ANK2: variants seen among roughly 807,000 people sequenced by gnomAD.
ANK2 encodes ankyrin-2.
In ANK2, 83 loss-of-function variants were observed where a neutral mutation model predicts 360.5. That is an observed-to-expected ratio of 0.23 (90% confidence interval 0.19 to 0.28). ANK2 has a LOEUF of 0.28. Among genes scored for constraint, ANK2 ranks in the 10% least tolerant of loss-of-function variants. ANK2 has a pLI of 1.00. For synonymous variants in ANK2, 1,740 were observed against 1,759.5 expected (o/e 0.99, Z 0.28); for missense variants, 4,201 against 4,795.7 (o/e 0.88, Z 3.66).
At chr4:112,765,141 T>C in the ANK2 span, among the ~76,000 whole-genome samples, 3 of 152,254 alleles carry the variant, frequency 2.0e-5, no homozygotes, top group African/African-American at 7.2e-5. Context: ...TCATGCTGAA[T>C]ATACCTCTCA....
chr4:113,318,273 G>T (rs1368153825), intron 25 of ANK2, among the ~76,000 whole-genome samples: 4 of 152,162 alleles, frequency 2.6e-5, no homozygotes, highest in African/African-American at 9.7e-5. Flanking sequence ...TAGGGAAATA[G>T]ATGGATACCT....
intron 2 of ANK2, among the ~76,000 whole-genome samples, chr4:113,181,099 A>C (rs926268681): frequency 6.6e-6 from 1 of 152,224 alleles, no homozygotes; most frequent in Non-Finnish European, 1.5e-5. Context: ...TTCATCAACT[A>C]CTTGCCCCCA....
intron 2 of ANK2, among the ~76,000 whole-genome samples, chr4:112,962,831 C>T (rs2035512820): frequency 6.6e-6 from 1 of 152,066 alleles, no homozygotes; most frequent in Non-Finnish European, 1.5e-5. Flanking sequence ...TTTCATTAAA[C>T]CTTAATTAGA....
intron 1 of ANK2, among the ~76,000 whole-genome samples, chr4:112,885,511 A>AAAAAATCAATC (rs2078054406): frequency 8.5e-6 from 1 of 118,076 alleles, no homozygotes; most frequent in African/African-American, 3.3e-5. Flanking sequence ...AAAAAAAAAA[A>AAAAAATCAATC]ATTAGCCGGG....
chr4:113,091,032 T>G (rs1270894384), intron 1 of ANK2, among the ~76,000 whole-genome samples: 1 of 152,202 alleles, frequency 6.6e-6, no homozygotes, highest in African/African-American at 2.4e-5. Context: ...GACCCTCAGA[T>G]GGATGGGTGC....
intron 1 of ANK2, among the ~76,000 whole-genome samples, chr4:112,847,825 C>T (rs1048546922): frequency 1.3e-5 from 2 of 152,198 alleles, no homozygotes; most frequent in African/African-American, 4.8e-5. Flanking sequence ...TTGCTAGTAA[C>T]TAGAAGGCCC....
At chr4:112,936,495 G>A (rs1018928251) in intron 2 of ANK2, among the ~76,000 whole-genome samples, 1 of 152,008 alleles carries the variant, frequency 6.6e-6, no homozygotes, top group Non-Finnish European at 1.5e-5. Context: ...ACAGGCGCGT[G>A]CCACCACACC....
intron 2 of ANK2, among the ~76,000 whole-genome samples, chr4:112,992,851 C>A (rs1036689852): frequency 1.3e-5 from 2 of 152,134 alleles, no homozygotes; most frequent in Non-Finnish European, 2.9e-5. Context: ...AGCAAAAATG[C>A]GGATGCTTAT....
intron 2 of ANK2, among the ~76,000 whole-genome samples, chr4:112,908,925 G>A (rs578066178): frequency 7.2e-5 from 11 of 152,250 alleles, no homozygotes; most frequent in Middle Eastern, 6.8e-3. Context: ...TAGTTATACA[G>A]AAGAAAATCA....
intron 2 of ANK2, among the ~76,000 whole-genome samples, chr4:112,926,811 G>T (rs949381326): frequency 2.6e-5 from 4 of 152,248 alleles, no homozygotes; most frequent in Non-Finnish European, 5.9e-5. Flanking sequence ...TAGCAAAATC[G>T]TTTCAGTATT....
chr4:113,351,303 T>C (rs946127244), intron 37 of ANK2, among the ~76,000 whole-genome samples: 3 of 152,124 alleles, frequency 2.0e-5, no homozygotes, highest in Admixed American at 2.0e-4. Flanking sequence ...TCTGAGGGCT[T>C]TTTTAAAGTC....
the ANK2 span, among the ~76,000 whole-genome samples, chr4:112,753,822 G>C: frequency 2.0e-5 from 3 of 152,154 alleles, no homozygotes; most frequent in South Asian, 6.2e-4. Flanking sequence ...AACTGGCTGG[G>C]CATTGTGGCT....
intron 4 of ANK2, among the ~76,000 whole-genome samples, chr4:113,213,564 T>G (rs2099049112): frequency 3.3e-5 from 5 of 152,222 alleles, no homozygotes; most frequent in Admixed American, 3.3e-4. Flanking sequence ...GATTCAATAT[T>G]TTAATATTCA....
intron 2 of ANK2, among the ~76,000 whole-genome samples, chr4:113,179,870 T>C (rs1416632836): frequency 1.3e-5 from 2 of 152,352 alleles, no homozygotes; most frequent in East Asian, 3.9e-4. Flanking sequence ...ATGTATACAA[T>C]TTATTAGTTT....
rs2096056512 is a variant in ANK2, at chr4:113,359,384, T to C, written c.10681+85T>C. 1.9e-5 allele frequency: 30 copies of C among 1,560,314 alleles called. No individual in the cohort carries two copies. In the South Asian group the frequency reaches 2.7e-4, roughly 14 times the overall value. ...TTTGTATGTTTGTTTTATTTGATGA[T>C]TTGTGTCTCATTTTCTTTAAGCTTT... On this transcript the variant is annotated intron_variant, in intron 38 of 45. Coordinates refer to ENST00000357077, the MANE Select transcript of ANK2 (RefSeq NM_001148.6).
intron 15 of ANK2, among the ~76,000 whole-genome samples, chr4:113,276,949 A>G (rs1379185507): frequency 2.6e-5 from 4 of 152,204 alleles, no homozygotes; most frequent in South Asian, 2.1e-4. Flanking sequence ...CCAGAAGAGC[A>G]TGTGGTTAAA....
At chr4:113,294,869 A>C (rs929954762) in intron 22 of ANK2, among the ~76,000 whole-genome samples, 2 of 152,120 alleles carry the variant, frequency 1.3e-5, no homozygotes, top group Non-Finnish European at 2.9e-5. Context: ...TTCTTATTTT[A>C]TGATTTCTTA....
chr4:113,371,107 T>C (rs1174285599), intron 43 of ANK2, among the ~76,000 whole-genome samples: 1 of 152,152 alleles, frequency 6.6e-6, no homozygotes, highest in Non-Finnish European at 1.5e-5. Context: ...TAAAGCTTAG[T>C]AGTAAAAGAA....
At chr4:113,302,086 G>A (rs951583757) in intron 22 of ANK2, among the ~76,000 whole-genome samples, 2 of 152,140 alleles carry the variant, frequency 1.3e-5, no homozygotes, top group African/African-American at 2.4e-5. Context: ...ACTTGCTAGG[G>A]CCTTATAGGT....
Sources: gnomAD v4.1 joint callset for allele counts (sites outside exome capture counted in the v4.1 genomes callset) on GRCh38, gnomAD v4.1.1 for gene constraint, MANE v1.5 for transcripts, NCBI Gene and HGNC (gene_info 2026-07-23, HGNC 2026-07-21) for gene names.